Variants in ARHGAP11A observed in about 807,000 individuals in gnomAD.
ARHGAP11A encodes rho GTPase-activating protein 11A.
Under a neutral mutation model 60.5 loss-of-function variants are expected in ARHGAP11A, and 36 were observed. The observed-to-expected ratio is 0.59, with a 90% CI of 0.46 to 0.79. The LOEUF (loss-of-function observed/expected upper bound fraction) is 0.79, where lower values mean the gene tolerates loss of function less well. Ranked by LOEUF, ARHGAP11A falls within the 30% of genes least tolerant of loss-of-function variation. The pLI is 0.00. For synonymous variants in ARHGAP11A, 362 were observed against 415.5 expected, an observed-to-expected ratio of 0.87 and a Z score of 1.57; for missense variants, 1,071 against 1,199.2, an observed-to-expected ratio of 0.89 and a Z score of 1.58.
intron 8 of ARHGAP11A, among the ~76,000 whole-genome samples, chr15:32,630,775 A>T (rs1182422995): frequency 6.6e-6 from 1 of 152,192 alleles, no homozygotes; most frequent in Non-Finnish European, 1.5e-5. Flanking sequence ...GCTCATTGAA[A>T]TGTGATGATA....
At chr15:32,634,997 T>C (rs775135437) in intron 10 of ARHGAP11A, among the ~76,000 whole-genome samples, 16 of 152,232 alleles carry the variant, frequency 1.1e-4, no homozygotes, top group Non-Finnish European at 2.2e-4. Context: ...GTAGTTGAAA[T>C]TTATCTTTTA....
Position 32,636,717 on chromosome 15 carries a change from T to C in ARHGAP11A, c.1944T>C (p.Asp648=), listed in dbSNP as rs1285390691. ...SPEENLFETN[D]LTIVESKEKY... Reference sequence around the variant, plus strand: ...AGGAAAATCTATTTGAAACTAATGATTTGACTATAGTAGAATCAAAGGAGA... The same window carrying C: ...AGGAAAATCTATTTGAAACTAATGACTTGACTATAGTAGAATCAAAGGAGA... Residue 648 remains aspartate (D), a synonymous_variant, in exon 12 of 12, where the codon GAT becomes GAC. Coordinates refer to ENST00000361627, the MANE Select transcript of ARHGAP11A (RefSeq NM_014783.6). The C allele has an allele frequency of 1.9e-6, 3 of 1,613,786 alleles. No individual in the cohort carries two copies. Among genetic ancestry groups the C allele is most frequent in the Non-Finnish European group, 1.7e-6 (2 of 1,179,970 alleles).
In ARHGAP11A at chr15:32,637,651, G is replaced by T. The variant is rs779604757; in HGVS notation, c.2878G>T (p.Val960Phe). 4 of 1,614,112 alleles carry T rather than the reference G, an allele frequency of 2.5e-6. No homozygotes were observed. The highest frequency in any genetic ancestry group is 3.4e-6 in the Non-Finnish European group (4 of 1,179,994). The change falls in exon 12 of 12, where the codon GTT becomes TTT. Residue 960 changes from valine (V) to phenylalanine (F), a missense_variant. Physicochemically the swap from Val to Phe is conservative, Grantham distance 50. Coordinates refer to ENST00000361627, the MANE Select transcript of ARHGAP11A (RefSeq NM_014783.6). ...QKILSDGQVK[V>F]PLDDLTNHDI... ...GATCTTATCTGATGGCCAAGTTAAG[G>T]TTCCCTTGGATGATCTGACTAATCA...
rs1312468975 is a variant in ARHGAP11A at position 32,625,220 on chromosome 15, T to A, written c.692T>A (p.Leu231His). ...LRLQAAVVQT[L>H]IDYASDIGRV... ...TTACAGGCTGCAGTAGTACAGACTC[T>A]TATCGATTATGCATCAGATATTGGT... The change falls in exon 5 of 12, where the codon CTT becomes CAT. Residue 231 changes from leucine to histidine, a missense_variant. Physicochemically the swap from Leu to His is moderately conservative, Grantham distance 99 (BLOSUM62 -3). Transcript: ENST00000361627. 2 of 1,610,884 alleles carry A rather than the reference T, an allele frequency of 1.2e-6. No individual in the cohort carries two copies. The highest frequency in any genetic ancestry group is 1.7e-6 in the Non-Finnish European group (2 of 1,178,874).
At position 32,636,835 on chromosome 15, in the gene ARHGAP11A, A is replaced by G; in HGVS notation, c.2062A>G (p.Ile688Val). 1 of 1,607,922 alleles carries G rather than the reference A, an allele frequency of 6.2e-7. No homozygotes were observed. Residue 688 changes from isoleucine (I) to valine (V), a missense_variant, in exon 12 of 12, where the codon ATA becomes GTA. Ile to Val is a conservative substitution (Grantham distance 29). Around this residue, in one of 4 missense-constraint regions of ARHGAP11A, gnomAD observed 776 missense variants for 760.2 expected, o/e 1.02. Coordinates refer to ENST00000361627, the MANE Select transcript of ARHGAP11A (RefSeq NM_014783.6). ...QTQTFNRETT[I>V]KCYSTQMKME... ...TCAAACATTTAATAGAGAAACAACTATAAAATGTTATTCAACTCAGATGAA... is the reference window on the plus strand; with the variant it reads ...TCAAACATTTAATAGAGAAACAACTGTAAAATGTTATTCAACTCAGATGAA...
At position 32,615,895 on chromosome 15, in the gene ARHGAP11A, C is replaced by T. The variant is rs985804545; in HGVS notation, c.-317C>T. ...GAGAATCTGGCAATAGACGAGAAAC[C>T]GAAAGAATCAGAAAGAAGTCTATGT... On this transcript the variant is annotated 5_prime_UTR_variant, in exon 1 of 12. Coordinates refer to ENST00000361627, the MANE Select transcript of ARHGAP11A (RefSeq NM_014783.6). 5.3e-6 allele frequency: 2 copies of T among 377,838 alleles called. No homozygotes were observed. Among genetic ancestry groups the T allele is most frequent in the East Asian group, 4.4e-5 (1 of 22,976 alleles). The allele number at this position is 377,838 out of a possible 1,614,324, so 23.4% of individuals were successfully genotyped here.
chr15:32,621,993 G>A (rs953044673), intron 2 of ARHGAP11A, among the ~76,000 whole-genome samples: 7 of 152,420 alleles, frequency 4.6e-5, no homozygotes, highest in African/African-American at 1.7e-4. Flanking sequence ...CGAACACCTG[G>A]TTGCCTTAGG....
In ARHGAP11A at chr15:32,620,012, T is replaced by C. The variant is rs1027181925; in HGVS notation, c.130-96T>C. The C allele has an allele frequency of 7.7e-6, 12 of 1,559,202 alleles. No homozygotes were observed. In the Admixed American group the frequency reaches 2.0e-4, roughly 26 times the overall value. On this transcript the variant is annotated intron_variant, in intron 1 of 11. Coordinates refer to ENST00000361627, the MANE Select transcript of ARHGAP11A (RefSeq NM_014783.6). Reference sequence around the variant, plus strand: ...TAGTTTATCATTTATTTCTGATTTTTTTTTAATTTCCTGAGTTCTTTAATT... The same window carrying C: ...TAGTTTATCATTTATTTCTGATTTTCTTTTAATTTCCTGAGTTCTTTAATT...
rs543356230 is a variant in ARHGAP11A, at chr15:32,627,902, T to C, written c.863-826T>C. ...TTGGTTCACTGCAATCTCCACCTCC[T>C]GGGTTCAAGCGATTCTCTTGCCTCA... On this transcript the variant is annotated intron_variant, in intron 6 of 11. Coordinates refer to ENST00000361627, the MANE Select transcript of ARHGAP11A (RefSeq NM_014783.6). Among the ~76,000 whole-genome samples, 136 of 150,030 alleles carry C rather than the reference T, an allele frequency of 9.1e-4. 3 individuals are homozygous for C. In the South Asian group the frequency reaches 0.028, roughly 31 times the overall value.
Position 32,620,138 on chromosome 15 carries a change from C to T in ARHGAP11A, c.160C>T (p.Leu54=). 3.1e-6 allele frequency: 5 copies of T among 1,612,052 alleles called. No homozygotes were observed. Among genetic ancestry groups the T allele is most frequent in the Non-Finnish European group, 4.2e-6 (5 of 1,179,014 alleles). Residue 54 remains leucine, a synonymous_variant, in exon 2 of 12, where the codon CTG becomes TTG. Transcript: ENST00000361627. ...GKIFGVPFNA[L]PHSAVPEYGH... ...AATATTTGGAGTACCTTTTAATGCA[C>T]TGCCCCATTCTGCTGTACCAGAATA...
At chr15:32,634,807 C>T (rs1278939283) in intron 10 of ARHGAP11A, among the ~76,000 whole-genome samples, 3 of 152,186 alleles carry the variant, frequency 2.0e-5, no homozygotes, top group Non-Finnish European at 4.4e-5. Flanking sequence ...TTCTCTGAGA[C>T]ACCATGTCTA....
chr15:32,630,000 T>G (rs1308498919), intron 8 of ARHGAP11A, among the ~76,000 whole-genome samples: 2 of 121,032 alleles, frequency 1.7e-5, no homozygotes, highest in African/African-American at 3.5e-5. Flanking sequence ...TTGAAAGTTG[T>G]GATAACCCAG....
intron 6 of ARHGAP11A, among the ~76,000 whole-genome samples, chr15:32,627,411 G>A (rs4780028): frequency 0.15 from 23,084 of 150,146 alleles, 2,296 homozygotes; most frequent in East Asian, 0.26. Context: ...TTCTATCTCC[G>A]TAGTGTTTAT....
chr15:32,625,314 A>G (rs2053432697), intron 5 of ARHGAP11A, 71 bp downstream of exon 5: 4 of 1,496,650 alleles, frequency 2.7e-6, no homozygotes, highest in South Asian at 2.5e-5. Flanking sequence ...CAAAGGAACT[A>G]TGAAGGCAAC....
At chr15:32,622,388 G>A (rs1051644062) in intron 2 of ARHGAP11A, among the ~76,000 whole-genome samples, 16 of 152,194 alleles carry the variant, frequency 1.1e-4, no homozygotes, top group Admixed American at 7.2e-4. Context: ...ACTCCAGCCT[G>A]GGTGACAGAG....
At chr15:32,621,552 G>A (rs373511770) in intron 2 of ARHGAP11A, among the ~76,000 whole-genome samples, 2 of 152,284 alleles carry the variant, frequency 1.3e-5, no homozygotes, top group Admixed American at 6.5e-5. Flanking sequence ...TTAGCCGGGC[G>A]CCGGGGCTCA....
intron 6 of ARHGAP11A, among the ~76,000 whole-genome samples, chr15:32,626,666 C>T (rs1431050171): frequency 6.6e-6 from 1 of 152,238 alleles, no homozygotes; most frequent in African/African-American, 2.4e-5. Context: ...TTTGTCTCAC[C>T]GTTCTGGAGG....
chr15:32,637,572 G>A lies in ARHGAP11A; in HGVS notation c.2799G>A (p.Lys933=). Residue 933 remains lysine (K), a synonymous_variant, in exon 12 of 12, where the codon AAG becomes AAA. Coordinates refer to ENST00000361627, the MANE Select transcript of ARHGAP11A (RefSeq NM_014783.6). ...LPSKSFLKMR[K]HPDSVNASLR... is the part of the protein sequence containing the mutation. ...CGAAATCTTTCTTAAAGATGAGGAA[G>A]CACCCAGATTCAGTGAATGCTTCTC... 6.2e-7 allele frequency: 1 copy of A among 1,614,128 alleles called. No homozygotes were observed. Among genetic ancestry groups the A allele is most frequent in the Non-Finnish European group, 8.5e-7 (1 of 1,180,038 alleles).
rs923436152 is a variant in ARHGAP11A at position 32,638,940 on chromosome 15, C to T, written c.*1095C>T. 1.2e-4 allele frequency: 18 copies of T among 152,570 alleles called. No individual in the cohort carries two copies. The highest frequency in any genetic ancestry group is 2.4e-4 in the Non-Finnish European group (16 of 68,024). The allele number at this position is 152,570 out of a possible 1,614,324, so 9.5% of individuals were successfully genotyped here. A position where few individuals can be genotyped will look rare whatever the true frequency, so the allele number is the denominator to read the frequency against. On this transcript the variant is annotated 3_prime_UTR_variant, in exon 12 of 12. Transcript: ENST00000361627. ...ATTTTGGAATTTGAAATAGTAGATGCACCTCTTTACCTTTTTTACTTGGAT... is the reference window on the plus strand; with the variant it reads ...ATTTTGGAATTTGAAATAGTAGATGTACCTCTTTACCTTTTTTACTTGGAT...
Sources: allele counts gnomAD v4.1 joint callset (sites outside exome capture counted in the v4.1 genomes callset), GRCh38; gene constraint gnomAD v4.1.1; regional missense constraint gnomAD v4.1.1; transcripts MANE v1.5; gene names NCBI Gene and HGNC (gene_info 2026-07-23, HGNC 2026-07-21).